GON4L: variants seen among roughly 807,000 people sequenced by gnomAD.
The protein encoded by GON4L is gon-4 like, also known as GON-4-like protein.
GON4L carries 87 observed loss-of-function variants against 211.8 expected under a neutral mutation model. The observed-to-expected ratio is 0.41, with a 90% CI of 0.35 to 0.49. GON4L has a LOEUF of 0.49. Among genes scored for constraint, GON4L ranks in the 20% least tolerant of loss-of-function variants. The pLI is 0.15. For synonymous variants in GON4L, 875 were observed against 962.6 expected (o/e 0.91, Z 1.68); for missense variants, 2,155 against 2,659.5 (o/e 0.81, Z 4.17).
chr1:155,827,278 A>C (rs918968599), intron 2 of GON4L, among the ~76,000 whole-genome samples: 2 of 152,256 alleles, frequency 1.3e-5, no homozygotes, highest in East Asian at 1.9e-4. Flanking sequence ...ATTTTTTCCT[A>C]TGAAAAATCA....
chr1:155,853,349 T>G lies in GON4L; in HGVS notation c.432A>C (p.Glu144Asp). Residue 144 changes from glutamate (E) to aspartate (D), a missense_variant, in exon 2 of 32, where the codon GAA (glutamate) becomes GAC (aspartate). Glu to Asp is a conservative substitution (Grantham distance 45, BLOSUM62 2). Around this residue, in one of 6 missense-constraint regions of GON4L, gnomAD observed 313 missense variants for 293.2 expected, o/e 1.07. Transcript: ENST00000368331. Reference protein sequence around the residue: ...MTLRPGPVTQEDRCDHLTLKE... With the variant: ...MTLRPGPVTQDDRCDHLTLKE... The stretch of plus-strand genomic sequence containing the variant: ...TTAGGGTAAGATGATCACATCTGTC[T>G]TCTTGGGTAACTGGCCCAGGCCTGA... The G allele has an allele frequency of 6.2e-7, 1 of 1,614,080 alleles. No homozygotes were observed. The highest frequency in any genetic ancestry group is 8.5e-7 in the Non-Finnish European group (1 of 1,179,892).
Position 155,751,747 on chromosome 1 carries a change from T to C in GON4L, c.6576+20A>G, listed in dbSNP as rs761306694. The C allele has an allele frequency of 6.5e-7, 1 of 1,548,460 alleles. No individual in the cohort carries two copies. Among genetic ancestry groups the C allele is most frequent in the East Asian group, 2.3e-5 (1 of 44,338 alleles). On this transcript the variant is annotated intron_variant, in intron 31 of 31. Coordinates refer to ENST00000368331, the MANE Select transcript of GON4L (RefSeq NM_001282860.2). Reference sequence around the variant, plus strand: ...ACCTTGACCTCTTTTTGCCAGGTCTTCACCCCAACCCGCACCTACCTCAGC... The same window carrying C: ...ACCTTGACCTCTTTTTGCCAGGTCTCCACCCCAACCCGCACCTACCTCAGC...
chr1:155,821,141 C>CT (rs975838054), intron 5 of GON4L, among the ~76,000 whole-genome samples: 12 of 152,052 alleles, frequency 7.9e-5, no homozygotes, highest in Non-Finnish European at 1.0e-4. Context: ...TTGCAGGCCC[C>CT]TGTAGTCCCA....
At chr1:155,775,213 A>C in intron 16 of GON4L, 40 bp from the exon 17 acceptor site, 1 of 1,613,722 alleles carries the variant, frequency 6.2e-7, no homozygotes, top group Middle Eastern at 1.6e-4. Context: ...AGACAATTCC[A>C]GACAATTAAT....
intron 14 of GON4L, among the ~76,000 whole-genome samples, chr1:155,781,449 AATTATTATT>A (rs111687720): frequency 6.0e-5 from 9 of 149,756 alleles, no homozygotes; most frequent in East Asian, 3.9e-4. Flanking sequence ...CCTGATCTAT[AATTATTATT>A]ATTATTATTA....
chr1:155,748,346 A>G (rs1660337521), downstream of GON4L: 2 of 1,528,276 alleles, frequency 1.3e-6, no homozygotes, highest in Non-Finnish European at 1.8e-6. Flanking sequence ...TTCTGCCTCC[A>G]CACATTCTTT....
intron 11 of GON4L, among the ~76,000 whole-genome samples, chr1:155,795,375 C>T (rs1348939391): frequency 2.0e-5 from 3 of 152,070 alleles, no homozygotes; most frequent in Admixed American, 6.6e-5. Context: ...CACAGGCATA[C>T]GCCACCACAC....
Position 155,753,264 on chromosome 1 carries a change from T to C in GON4L, c.5782A>G (p.Thr1928Ala). Residue 1928 changes from threonine (T) to alanine (A), a missense_variant, in exon 29 of 32, where the codon ACT (threonine) becomes GCT (alanine). Thr to Ala is a moderately conservative substitution (Grantham distance 58). This residue lies in a region of GON4L where 455 missense variants were observed against 504.6 expected (regional missense o/e 0.90). Transcript: ENST00000368331. ...EEEAPEERESTEATQSRTVRT... is the reference protein window; with the variant it reads ...EEEAPEERESAEATQSRTVRT... ...ACAGTCCTGCTCTGGGTGGCCTCAG[T>C]GCTCTCCCGCTCCTCTGGGGCTTCC... The C allele has an allele frequency of 1.2e-6, 2 of 1,612,630 alleles. No individual in the cohort carries two copies. Among genetic ancestry groups the C allele is most frequent in the Non-Finnish European group, 8.5e-7 (1 of 1,179,438 alleles).
At chr1:155,753,965 C>T (rs1660877536) in intron 28 of GON4L, 1 of 277,314 alleles carries the variant, frequency 3.6e-6, no homozygotes, top group South Asian at 3.7e-5. Context: ...TGCCTCCCTG[C>T]TCCAAGGATT....
intron 17 of GON4L, 61 bp from the exon 18 acceptor site, chr1:155,773,271 C>G: frequency 6.3e-7 from 1 of 1,595,152 alleles, no homozygotes; most frequent in Non-Finnish European, 8.6e-7. Context: ...TTCATAAAAG[C>G]CTGTGAATGC....
In GON4L at chr1:155,820,621, T is replaced by C; in HGVS notation, c.999A>G (p.Val333=). The C allele has an allele frequency of 1.9e-6, 3 of 1,609,324 alleles. No homozygotes were observed. Among genetic ancestry groups the C allele is most frequent in the Non-Finnish European group, 2.6e-6 (3 of 1,175,778 alleles). The change falls in exon 6 of 32, where the codon GTA becomes GTG. Residue 333 remains valine, a synonymous_variant. Transcript: ENST00000368331. ...PKMTRSKLKE[V]VEKGVVIPTW... ...GAATACTTACCACTCCTTTTTCCACTACTTCCTTCAGTTTAGAGCGTGTCA... is the reference window on the plus strand; with the variant it reads ...GAATACTTACCACTCCTTTTTCCACCACTTCCTTCAGTTTAGAGCGTGTCA...
chr1:155,797,471 G>A (rs148394633), intron 11 of GON4L, among the ~76,000 whole-genome samples: 73 of 147,874 alleles, frequency 4.9e-4, no homozygotes, highest in African/African-American at 1.4e-3. Flanking sequence ...TTTTTTTTTC[G>A]AGAGGGAGTT....
Position 155,780,702 on chromosome 1 carries a change from C to T in GON4L, c.1893-2882G>A, listed in dbSNP as rs1664334800. Among the ~76,000 whole-genome samples the T allele has an allele frequency of 2.0e-5, 3 of 152,092 alleles. No homozygotes were observed. The South Asian group carries it at 6.2e-4, about 32-fold the overall frequency. The stretch of plus-strand genomic sequence containing the variant: ...TGAGAGACTGTTTCCAGGGCTGAAG[C>T]AAAAACTGAAAAACCCAGCATGACA... On this transcript the variant is annotated intron_variant, in intron 14 of 31. Transcript: ENST00000368331.
At chr1:155,759,983 G>T (rs987607475) in intron 24 of GON4L, among the ~76,000 whole-genome samples, 33 of 134,162 alleles carry the variant, frequency 2.5e-4, no homozygotes, top group African/African-American at 9.3e-4. Context: ...ATATATATAT[G>T]ATATATATAT....
chr1:155,813,618 C>T lies in GON4L; in HGVS notation c.1452+16G>A. ...TCCACTTGACTTTCTCAGTTAAGTA[C>T]AGTTTTAATATTTACCTGGAAAGAA... On this transcript the variant is annotated intron_variant, in intron 10 of 31. Transcript: ENST00000368331. The T allele has an allele frequency of 6.3e-7, 1 of 1,591,482 alleles. No homozygotes were observed. Among genetic ancestry groups the T allele is most frequent in the South Asian group, 1.1e-5 (1 of 90,574 alleles).
chr1:155,847,754 G>A (rs1226326079), intron 2 of GON4L, among the ~76,000 whole-genome samples: 1 of 151,820 alleles, frequency 6.6e-6, no homozygotes, highest in Non-Finnish European at 1.5e-5. Context: ...CATGCCTGTA[G>A]TCCCAGGTAC....
chr1:155,795,281 C>G (rs1409654283), intron 11 of GON4L, 130 bp from the exon 12 acceptor site: 1 of 672,154 alleles, frequency 1.5e-6, no homozygotes, highest in Non-Finnish European at 2.7e-6. Flanking sequence ...GGCTGGAGTG[C>G]AGTGGTACAG....
At chr1:155,800,420 G>A (rs763162197) in intron 11 of GON4L, among the ~76,000 whole-genome samples, 1 of 150,952 alleles carries the variant, frequency 6.6e-6, no homozygotes, top group Non-Finnish European at 1.5e-5. Context: ...AGCCAGGCAT[G>A]GTGGCACATG....
intron 20 of GON4L, 42 bp downstream of exon 20, chr1:155,767,383 T>C: frequency 6.2e-7 from 1 of 1,613,922 alleles, no homozygotes; most frequent in African/African-American, 1.3e-5. Flanking sequence ...GAACTTTCAG[T>C]GACCTTCTGC....
Sources: gnomAD v4.1 joint callset for allele counts (sites outside exome capture counted in the v4.1 genomes callset) on GRCh38, gnomAD v4.1.1 for gene constraint, gnomAD v4.1.1 regional missense constraint, MANE v1.5 for transcripts, NCBI Gene and HGNC (gene_info 2026-07-23, HGNC 2026-07-21) for gene names.